DNAH17: variants seen among roughly 807,000 people sequenced by gnomAD.
The protein encoded by DNAH17 is dynein axonemal heavy chain 17.
A neutral mutation model predicts 485.6 loss-of-function variants in DNAH17; 376 were observed. That is an observed-to-expected ratio of 0.77 (90% CI 0.71 to 0.84). The LOEUF (loss-of-function observed/expected upper bound fraction) is 0.84, where lower values mean the gene tolerates loss of function less well. DNAH17 is among the 40% of genes least tolerant of loss of function. DNAH17 has a pLI of 0.00. For missense variants in DNAH17, 6,370 were observed against 5,839.3 expected, an observed-to-expected ratio of 1.09 and a Z score of -2.96; for synonymous variants, 3,031 against 2,405.9, an observed-to-expected ratio of 1.26 and a Z score of -7.60.
At chr17:78,572,298 C>T (rs1011371326) in intron 3 of DNAH17, among the ~76,000 whole-genome samples, 6 of 152,122 alleles carry the variant, frequency 3.9e-5, no homozygotes, top group African/African-American at 7.2e-5. Context: ...CACAGACTTG[C>T]ATGTACCTGC....
chr17:78,505,218 A>G (rs1598606946), intron 31 of DNAH17, 75 bp downstream of exon 31: 3 of 1,579,034 alleles, frequency 1.9e-6, no homozygotes, highest in East Asian at 2.3e-5. Flanking sequence ...GGACATCGCC[A>G]TCTGAGGGCG....
intron 64 of DNAH17, 114 bp downstream of exon 64, chr17:78,454,356 G>GTGGGC: frequency 1.3e-6 from 1 of 760,774 alleles, no homozygotes; most frequent in East Asian, 2.7e-5. Context: ...TTTAAAACCT[G>GTGGGC]TGGGCTAGTA....
At chr17:78,475,135 A>T (rs1040574385) in intron 54 of DNAH17, 143 bp downstream of exon 54, 3 of 978,914 alleles carry the variant, frequency 3.1e-6, no homozygotes, top group South Asian at 3.4e-5. Flanking sequence ...CTGCTTTCTA[A>T]GATAAAGACC....
intron 48 of DNAH17, among the ~76,000 whole-genome samples, chr17:78,484,075 GAC>G: frequency 9.3e-6 from 1 of 107,850 alleles, no homozygotes; most frequent in Non-Finnish European, 1.7e-5. Context: ...CAGCCTGAGA[GAC>G]AGAGCGAGAT....
At chr17:78,574,144 C>T (rs529758933) in intron 2 of DNAH17, among the ~76,000 whole-genome samples, 25 of 152,274 alleles carry the variant, frequency 1.6e-4, no homozygotes, top group African/African-American at 5.8e-4. Context: ...AGGGGATGCT[C>T]GGGGCTTCTC....
chr17:78,424,250 A>G, intron 80 of DNAH17, 97 bp from the exon 81 acceptor site: 1 of 1,442,656 alleles, frequency 6.9e-7, no homozygotes, highest in Admixed American at 2.4e-5. Context: ...CGCCCTCTGC[A>G]GAGCTGGGCT....
At chr17:78,502,808 A>G in intron 32 of DNAH17, 78 bp downstream of exon 32, 2 of 1,590,894 alleles carry the variant, frequency 1.3e-6, no homozygotes, top group Non-Finnish European at 1.7e-6. Flanking sequence ...CACAGTTAAC[A>G]GCGGAGCCCA....
chr17:78,462,779 G>A (rs550982259), intron 57 of DNAH17, 65 bp downstream of exon 57: 899 of 1,527,146 alleles, frequency 5.9e-4, no homozygotes, highest in Admixed American at 1.5e-3. Context: ...GCCTGTGACA[G>A]TAGCAGCTCC....
At chr17:78,491,281 C>T (rs754624880) in intron 43 of DNAH17, among the ~76,000 whole-genome samples, 162 bp downstream of exon 43, 7 of 152,248 alleles carry the variant, frequency 4.6e-5, no homozygotes, top group Non-Finnish European at 1.0e-4. Context: ...CAAAGTCTCA[C>T]GACAAGGTGC....
At position 78,494,837 on chromosome 17, in the gene DNAH17, CA is replaced by C; in HGVS notation, c.6043-18del. ...GTAATGATCCTGCGGGCAGTGGGCA[CA>C]GGTGGGCAGACGTGAGCTCACCTTC... On this transcript the variant is annotated intron_variant, in intron 39 of 80. Coordinates refer to ENST00000389840, the MANE Select transcript of DNAH17 (RefSeq NM_173628.4). The C allele has an allele frequency of 2.5e-6, 4 of 1,587,320 alleles. No individual in the cohort carries two copies. The highest frequency in any genetic ancestry group is 3.4e-6 in the Non-Finnish European group (4 of 1,163,988).
intron 71 of DNAH17, among the ~76,000 whole-genome samples, chr17:78,441,491 A>G (rs2087073901): frequency 6.6e-6 from 1 of 152,076 alleles, no homozygotes. Flanking sequence ...CCCAGGGTCA[A>G]CTGCGGGGGG....
Position 78,529,582 on chromosome 17 carries a change from T to C in DNAH17, c.3397A>G (p.Lys1133Glu). The C allele has an allele frequency of 1.9e-6, 3 of 1,613,898 alleles. No homozygotes were observed. The highest frequency in any genetic ancestry group is 2.5e-6 in the Non-Finnish European group (3 of 1,179,856). Residue 1133 changes from lysine to glutamate, a missense_variant, in exon 22 of 81, where the codon AAG becomes GAG. By Grantham distance (56) the Lys-to-Glu change is moderately conservative. Coordinates refer to ENST00000389840, the MANE Select transcript of DNAH17 (RefSeq NM_173628.4). Reference sequence around the variant, plus strand: ...TTGTCGGTGGCTGCTTGCCTCTCCTTGACTTTCATCAGGTGCCCCATCACC... The same window carrying C: ...TTGTCGGTGGCTGCTTGCCTCTCCTCGACTTTCATCAGGTGCCCCATCACC... ...VEVMGHLMKV[K>E]ERQAATDNMF...
chr17:78,541,679 G>A (rs867895697), intron 17 of DNAH17, among the ~76,000 whole-genome samples: 7 of 151,942 alleles, frequency 4.6e-5, no homozygotes, highest in Non-Finnish European at 1.0e-4. Context: ...CCCCTCTTAG[G>A]CTCCTGTCCC....
Position 78,561,948 on chromosome 17 carries a change from C to T in DNAH17, c.1602G>A (p.Arg534=). The change falls in exon 12 of 81, where the codon CGG becomes CGA. Residue 534 remains arginine (R), a synonymous_variant. Transcript: ENST00000389840. The part of the protein sequence containing the change: ...LLYMCGGLME[R]PLILAEVAPR... ...GCGCCACCTCGGCAAGAATCAGGGG[C>T]CGCTCCATGAGGCCCCCACACATGT... The T allele has an allele frequency of 3.7e-6, 6 of 1,611,646 alleles. No individual in the cohort carries two copies. The highest frequency in any genetic ancestry group is 5.1e-6 in the Non-Finnish European group (6 of 1,178,862).
intron 3 of DNAH17, among the ~76,000 whole-genome samples, chr17:78,572,264 C>T (rs754699625): frequency 9.2e-6 from 1 of 108,824 alleles, no homozygotes; most frequent in Non-Finnish European, 1.9e-5. Flanking sequence ...CTTCCCAGGG[C>T]CTCTGGGGGC....
At chr17:78,518,867 G>A (rs651233) in intron 25 of DNAH17, among the ~76,000 whole-genome samples, 29,837 of 151,870 alleles carry the variant, frequency 0.2, 3,390 homozygotes, top group East Asian at 0.47. Context: ...ATCTCTAAAC[G>A]CTTAGAAATT....
At chr17:78,569,687 C>G (rs540209681) in intron 7 of DNAH17, among the ~76,000 whole-genome samples, 160 bp from the exon 8 acceptor site, 1 of 152,264 alleles carries the variant, frequency 6.6e-6, no homozygotes. Flanking sequence ...GGGGACCGAG[C>G]TGCTTCCCCT....
chr17:78,460,437 T>G lies in DNAH17; in HGVS notation c.9340-180A>C, dbSNP rs74001346. 4.2e-3 allele frequency among the ~76,000 whole-genome samples: 633 copies of G among 152,368 alleles called. 5 individuals carry two copies. Among genetic ancestry groups the G allele is most frequent in the African/African-American group, 0.015 (608 of 41,594 alleles). On this transcript the variant is annotated intron_variant, in intron 58 of 80. Coordinates refer to ENST00000389840, the MANE Select transcript of DNAH17 (RefSeq NM_173628.4). The stretch of plus-strand genomic sequence containing the variant: ...GCATGTATGTGTATGTGCATCCATG[T>G]GCATATGTGCATGTGTAGGCAGCAG...
At chr17:78,469,349 G>T (rs1433122670) in intron 54 of DNAH17, among the ~76,000 whole-genome samples, 2 of 152,158 alleles carry the variant, frequency 1.3e-5, no homozygotes, top group African/African-American at 4.8e-5. Context: ...CACTATGTTA[G>T]CCAGGAGGGC....
Sources: gnomAD v4.1 joint callset for allele counts (sites outside exome capture counted in the v4.1 genomes callset) on GRCh38, gnomAD v4.1.1 for gene constraint, MANE v1.5 for transcripts, NCBI Gene and HGNC (gene_info 2026-07-23, HGNC 2026-07-21) for gene names.